The following HEATR1 variants were observed in gnomAD, a reference collection of about 807,000 sequenced individuals.
HEATR1 encodes the protein HEAT repeat-containing protein 1.
In HEATR1, 77 loss-of-function variants were observed where a neutral mutation model predicts 248.2. That is an observed-to-expected ratio of 0.31 (90% CI 0.26 to 0.37). HEATR1 has a LOEUF of 0.37. HEATR1 is among the 10% of genes least tolerant of loss of function. The pLI, the probability that HEATR1 is intolerant of heterozygous loss-of-function variation, is 1.00. For synonymous variants in HEATR1, 897 were observed against 923.1 expected (o/e 0.97, Z 0.51); for missense variants, 2,420 against 2,504.9 (o/e 0.97, Z 0.72).
chr1:236,561,126 TTG>T (rs1342905600), intron 33 of HEATR1, 97 bp downstream of exon 33: 1 of 868,466 alleles, frequency 1.2e-6, no homozygotes, highest in African/African-American at 1.7e-5. Flanking sequence ...GTGAACCTGG[TTG>T]TAAAGAGTAT....
Position 236,595,840 on chromosome 1 carries a change from C to T in HEATR1, c.949G>A (p.Gly317Arg). Reference sequence around the variant, plus strand: ...CAATTCAATTGTACATACTTTTTCCCAAGGCTCTCTGGCTTCTGTCTCTGC... The same window carrying T: ...CAATTCAATTGTACATACTTTTTCCTAAGGCTCTCTGGCTTCTGTCTCTGC... ...LLQRQKPESLGKKPFPHLCNV... is the reference protein window; with the variant it reads ...LLQRQKPESLRKKPFPHLCNV... The change falls in exon 7 of 45, where the codon GGG (glycine) becomes AGG (arginine). Residue 317 changes from glycine (G) to arginine (R), a missense_variant. Transcript: ENST00000366582. The T allele has an allele frequency of 1.2e-6, 2 of 1,612,708 alleles. No individual in the cohort carries two copies. Among genetic ancestry groups the T allele is most frequent in the South Asian group, 1.1e-5 (1 of 90,968 alleles).
At chr1:236,572,634 CA>C (rs1663458285) in intron 25 of HEATR1, 80 bp from the exon 26 acceptor site, 1 of 1,601,840 alleles carries the variant, frequency 6.2e-7, no homozygotes. Context: ...CTGATTATAG[CA>C]AATTGATGAG....
rs575915869 is a variant in HEATR1 at position 236,596,902 on chromosome 1, C to T, written c.678G>A (p.Ser226=). The T allele has an allele frequency of 4.0e-5, 65 of 1,613,976 alleles. 1 individual carries two copies. Among genetic ancestry groups the T allele is most frequent in the South Asian group, 1.6e-4 (15 of 91,084 alleles). ...LLAFYASTIV[S]ALVAAEDVSD... ...ATACGTCCTCTGCAGCTACCAGCGC[C>T]GACACTATGGTAGAAGCATAGAAAG... Residue 226 remains serine (S), a synonymous_variant, in exon 6 of 45, where the codon TCG becomes TCA. Coordinates refer to ENST00000366582, the MANE Select transcript of HEATR1 (RefSeq NM_018072.6).
Position 236,550,894 on chromosome 1 carries a change from A to G in HEATR1, c.*8T>C, listed in dbSNP as rs756318821. 1 of 1,588,156 alleles carries G rather than the reference A, an allele frequency of 6.3e-7. No individual in the cohort carries two copies. Among genetic ancestry groups the G allele is most frequent in the Non-Finnish European group, 8.6e-7 (1 of 1,169,506 alleles). On this transcript the variant is annotated 3_prime_UTR_variant, in exon 45 of 45. Coordinates refer to ENST00000366582, the MANE Select transcript of HEATR1 (RefSeq NM_018072.6). ...CTCTGAGTAGAGTATGAAACACCAC[A>G]GAAAGTCTTAGAAATAGCTCTGGAG...
chr1:236,602,535 C>A (rs192451183), intron 3 of HEATR1, among the ~76,000 whole-genome samples: 2 of 152,218 alleles, frequency 1.3e-5, no homozygotes, highest in African/African-American at 4.8e-5. Context: ...GCTTCCCCAA[C>A]CATCTTGTTA....
intron 3 of HEATR1, among the ~76,000 whole-genome samples, chr1:236,600,128 T>A (rs992855997): frequency 4.2e-5 from 5 of 119,352 alleles, no homozygotes; most frequent in Admixed American, 1.6e-4. Flanking sequence ...ATTTTTTTTT[T>A]TTTTTTTTTT....
rs1572028306 is a variant in HEATR1, at chr1:236,551,958, T to C, written c.6346+41A>G. On this transcript the variant is annotated intron_variant, in intron 44 of 44. Transcript: ENST00000366582. ...ATTTTCACAGAATTTTACTGAATTA[T>C]TCCTTAATTGTTTAATGGTTGGGAA... 6.9e-6 allele frequency: 9 copies of C among 1,299,284 alleles called. No homozygotes were observed. In the East Asian group the frequency reaches 2.1e-4, roughly 30 times the overall value. 80.5% of individuals were successfully genotyped at this position (1,299,284 alleles called of 1,614,324 possible). A position where few individuals can be genotyped will look rare whatever the true frequency, so the allele number is the denominator to read the frequency against.
At chr1:236,575,396 T>C (rs1045337442) in intron 22 of HEATR1, among the ~76,000 whole-genome samples, 4 of 152,192 alleles carry the variant, frequency 2.6e-5, no homozygotes, top group African/African-American at 9.6e-5. Context: ...AACACAGCCA[T>C]GCTCATTTGT....
intron 8 of HEATR1, among the ~76,000 whole-genome samples, chr1:236,594,588 G>A (rs1272689842): frequency 6.6e-6 from 1 of 152,084 alleles, no homozygotes; most frequent in Non-Finnish European, 1.5e-5. Flanking sequence ...ATTACCTTCA[G>A]AATAGGAAGA....
chr1:236,602,575 T>C (rs890327981), intron 3 of HEATR1, among the ~76,000 whole-genome samples: 1 of 152,204 alleles, frequency 6.6e-6, no homozygotes, highest in South Asian at 2.1e-4. Flanking sequence ...TAGTACTCAC[T>C]GCCTCAAGTG....
chr1:236,562,677 A>G (rs1663162822), intron 32 of HEATR1, among the ~76,000 whole-genome samples: 1 of 152,220 alleles, frequency 6.6e-6, no homozygotes, highest in Non-Finnish European at 1.5e-5. Context: ...TATAATTGAA[A>G]AAGCACACTG....
intron 17 of HEATR1, among the ~76,000 whole-genome samples, chr1:236,584,679 A>T (rs1005881599): frequency 3.3e-5 from 5 of 152,212 alleles, no homozygotes; most frequent in African/African-American, 1.2e-4. Flanking sequence ...ATTGAATGAA[A>T]TAGTATTTTG....
At chr1:236,597,004 AT>A in intron 5 of HEATR1, 28 bp from the exon 6 acceptor site, 1 of 1,603,920 alleles carries the variant, frequency 6.2e-7, no homozygotes, top group Non-Finnish European at 8.5e-7. Context: ...AACAAAACAC[AT>A]TTAACAGTGA....
intron 29 of HEATR1, among the ~76,000 whole-genome samples, chr1:236,568,093 G>A (rs78178357): frequency 0.021 from 3,128 of 152,196 alleles, 109 homozygotes; most frequent in African/African-American, 0.072. Context: ...CACATTCCTA[G>A]ATCATGCCTT....
intron 9 of HEATR1, 111 bp from the exon 10 acceptor site, chr1:236,592,744 A>G (rs1664074199): frequency 1.8e-6 from 1 of 552,932 alleles, no homozygotes; most frequent in Non-Finnish European, 3.3e-6. Context: ...ATACTTATAC[A>G]AGGTATAGTT....
chr1:236,558,812 T>G (rs1376104597), intron 35 of HEATR1, among the ~76,000 whole-genome samples, 183 bp downstream of exon 35: 1 of 152,236 alleles, frequency 6.6e-6, no homozygotes, highest in African/African-American at 2.4e-5. Context: ...CTAAGAGCTC[T>G]TACAACACAC....
At position 236,572,518 on chromosome 1, in the gene HEATR1, T is replaced by C; in HGVS notation, c.3600A>G (p.Gly1200=). 6.2e-7 allele frequency: 1 copy of C among 1,614,090 alleles called. No homozygotes were observed. Among genetic ancestry groups the C allele is most frequent in the Non-Finnish European group, 8.5e-7 (1 of 1,179,952 alleles). ...SQDLESVQEV[G]GSYWQRVTLI... Reference sequence around the variant, plus strand: ...GAGTTACTCTTTGCCAGTAAGAACCTCCAACTTCCTGAACAGATTCTAGAT... The same window carrying C: ...GAGTTACTCTTTGCCAGTAAGAACCCCCAACTTCCTGAACAGATTCTAGAT... Residue 1200 remains glycine, a synonymous_variant, in exon 26 of 45, where the codon GGA becomes GGG. Transcript: ENST00000366582.
chr1:236,582,087 C>G (rs771234533), intron 19 of HEATR1, among the ~76,000 whole-genome samples: 1 of 152,010 alleles, frequency 6.6e-6, no homozygotes, highest in Non-Finnish European at 1.5e-5. Context: ...ACCCAAATAA[C>G]CCACAGTATC....
Position 236,566,751 on chromosome 1 carries a change from T to C in HEATR1, c.4203A>G (p.Gln1401=), listed in dbSNP as rs2103130961. The C allele has an allele frequency of 6.2e-7, 1 of 1,614,060 alleles. No homozygotes were observed. The highest frequency in any genetic ancestry group is 2.2e-5 in the East Asian group (1 of 44,856). ...TCTCTGCACCCAGTGTATCAACAAGTTGAACAAGGATGGGCAGGCGCCTGT... is the reference window on the plus strand; with the variant it reads ...TCTCTGCACCCAGTGTATCAACAAGCTGAACAAGGATGGGCAGGCGCCTGT... ...PEHRRLPILV[Q]LVDTLGAEKF... Residue 1401 remains glutamine, a synonymous_variant, in exon 30 of 45, where the codon CAA becomes CAG. Coordinates refer to ENST00000366582, the MANE Select transcript of HEATR1 (RefSeq NM_018072.6).
Sources: allele counts gnomAD v4.1 joint callset (sites outside exome capture counted in the v4.1 genomes callset), GRCh38; gene constraint gnomAD v4.1.1; transcripts MANE v1.5; gene names NCBI Gene and HGNC (gene_info 2026-07-23, HGNC 2026-07-21).